The following HDGFL3 variants were observed in gnomAD, a reference collection of about 807,000 sequenced individuals.
The protein encoded by HDGFL3 is hepatoma-derived growth factor-related protein 3.
A neutral mutation model predicts 27.6 loss-of-function variants in HDGFL3; 6 were observed. That is an observed-to-expected ratio of 0.22 (90% CI 0.12 to 0.43). The LOEUF (loss-of-function observed/expected upper bound fraction) is 0.43. Among genes scored for constraint, HDGFL3 ranks in the 20% least tolerant of loss-of-function variants. HDGFL3 has a pLI of 1.00. For synonymous variants in HDGFL3, 88 were observed against 88.9 expected, an observed-to-expected ratio of 0.99 and a Z score of 0.05; for missense variants, 207 against 250.1, an observed-to-expected ratio of 0.83 and a Z score of 1.16.
chr15:83,161,446 C>A (rs2037100042), intron 2 of HDGFL3, among the ~76,000 whole-genome samples: 1 of 152,194 alleles, frequency 6.6e-6, no homozygotes, highest in African/African-American at 2.4e-5. Flanking sequence ...CAGGCATGAA[C>A]CACTGCACTC....
At chr15:83,204,206 ATATACT>A (rs1487630211) in intron 1 of HDGFL3, among the ~76,000 whole-genome samples, 5 of 151,622 alleles carry the variant, frequency 3.3e-5, no homozygotes, top group African/African-American at 9.7e-5. Flanking sequence ...TATGTATCAC[ATATACT>A]TATATATATC....
At chr15:83,121,930 T>C (rs367826305) in intron 3 of HDGFL3, 10 of 1,606,442 alleles carry the variant, frequency 6.2e-6, no homozygotes, top group South Asian at 2.3e-5. Flanking sequence ...GGGAAACTTA[T>C]AGAACCATTG....
downstream of HDGFL3, chr15:83,126,966 G>A (rs528681697): frequency 1.5e-5 from 11 of 734,558 alleles, no homozygotes; most frequent in Non-Finnish European, 2.4e-5. Context: ...GCCGAGGCAG[G>A]TTGATCACGA....
intron 1 of HDGFL3, among the ~76,000 whole-genome samples, chr15:83,165,963 C>A (rs2037167070): frequency 1.3e-5 from 2 of 151,082 alleles, no homozygotes; most frequent in African/African-American, 4.9e-5. Context: ...ATAAAATGAC[C>A]AAAACAAAGA....
intron 1 of HDGFL3, among the ~76,000 whole-genome samples, chr15:83,170,876 C>CAAAAAA: frequency 1.3e-5 from 1 of 77,754 alleles, no homozygotes; most frequent in Non-Finnish European, 2.8e-5. Flanking sequence ...ATTCAACAAG[C>CAAAAAA]AAAAAAAAAA....
chr15:83,148,225 G>A (rs1462931949), intron 5 of HDGFL3, among the ~76,000 whole-genome samples: 2 of 152,178 alleles, frequency 1.3e-5, no homozygotes, highest in South Asian at 2.1e-4. Flanking sequence ...ATCAACTCAC[G>A]GCTCAGTATT....
intron 1 of HDGFL3, among the ~76,000 whole-genome samples, chr15:83,187,718 G>A (rs562782534): frequency 4.0e-5 from 6 of 151,810 alleles, no homozygotes; most frequent in East Asian, 1.9e-4. Context: ...GAGAAACCCC[G>A]TCTCCAATAA....
chr15:83,164,367 C>CAAAAAAAAAAAAAAAACA (rs2037139052), intron 1 of HDGFL3, among the ~76,000 whole-genome samples: 1 of 38,380 alleles, frequency 2.6e-5, no homozygotes, highest in South Asian at 1.3e-3. Flanking sequence ...TTAGAGTAAC[C>CAAAAAAAAAAAAAAAACA]AAAAAAAAAA....
chr15:83,140,505 A>G (rs1343288794), intron 5 of HDGFL3, among the ~76,000 whole-genome samples: 1 of 137,926 alleles, frequency 7.3e-6, no homozygotes. Context: ...TTTTTGAGAC[A>G]GAGTCTCGCT....
rs183406051 is a variant in HDGFL3 at position 83,163,947 on chromosome 15, G to C, written c.161+52C>G. The C allele has an allele frequency of 5.0e-4, 567 of 1,126,168 alleles. 2 individuals are homozygous for C. Among genetic ancestry groups the C allele is most frequent in the Middle Eastern group, 1.2e-3 (6 of 5,140 alleles). The allele number at this position is 1,126,168 out of a possible 1,614,324, so 69.8% of individuals were successfully genotyped here. ...GATGTCAGAGATCATCCATAACAAT[G>C]TAGCATAGCAGAGTCAAGCTAGAGC... On this transcript the variant is annotated intron_variant, in intron 2 of 5. Transcript: ENST00000299633.
At chr15:83,126,725 T>C (rs1288118605), downstream of HDGFL3, 1 of 1,569,474 alleles carries the variant, frequency 6.4e-7, no homozygotes. Context: ...TGTGATTGTA[T>C]TTTTATAATG....
chr15:83,192,794 C>T (rs1596567140), intron 1 of HDGFL3, among the ~76,000 whole-genome samples: 1 of 152,262 alleles, frequency 6.6e-6, no homozygotes, highest in East Asian at 1.9e-4. Flanking sequence ...TCTTGACCAC[C>T]CTATATGTAC....
intron 1 of HDGFL3, among the ~76,000 whole-genome samples, chr15:83,205,165 T>G (rs919693096): frequency 6.6e-6 from 1 of 152,190 alleles, no homozygotes; most frequent in African/African-American, 2.4e-5. Flanking sequence ...TCTACACAGC[T>G]ATACCTAGGT....
intron 1 of HDGFL3, among the ~76,000 whole-genome samples, chr15:83,200,489 A>C (rs920573503): frequency 6.6e-6 from 1 of 152,258 alleles, no homozygotes; most frequent in Admixed American, 6.5e-5. Flanking sequence ...TCCAAACCAC[A>C]GAAGCATTTA....
chr15:83,156,272 A>G (rs1272323849), intron 4 of HDGFL3, among the ~76,000 whole-genome samples: 1 of 152,120 alleles, frequency 6.6e-6, no homozygotes. Context: ...CGTTTTCAGA[A>G]AGCCCTGGCC....
At chr15:83,183,974 G>A (rs1021326802) in intron 1 of HDGFL3, among the ~76,000 whole-genome samples, 2 of 152,010 alleles carry the variant, frequency 1.3e-5, no homozygotes, top group African/African-American at 4.8e-5. Context: ...ATTTTAATGG[G>A]AAAAGAATTC....
rs542611672 is a variant in HDGFL3 at position 83,130,280 on chromosome 15, A to G, written c.*8990T>C. On this transcript the variant is annotated 3_prime_UTR_variant, in exon 6 of 6. Coordinates refer to ENST00000299633, the MANE Select transcript of HDGFL3 (RefSeq NM_016073.4). ...AAATGGGTGTGGTAAGCCTGTAGCAATAAGACAAACCCTAATCTGTTGGTG... is the reference window on the plus strand; with the variant it reads ...AAATGGGTGTGGTAAGCCTGTAGCAGTAAGACAAACCCTAATCTGTTGGTG... 5.2e-5 allele frequency: 8 copies of G among 152,460 alleles called. No individual in the cohort carries two copies. The highest frequency in any genetic ancestry group is 5.2e-4 in the Admixed American group (8 of 15,306). The allele number at this position is 152,460 out of a possible 1,614,324, so 9.4% of individuals were successfully genotyped here. A position where few individuals can be genotyped will look rare whatever the true frequency, so the allele number is the denominator to read the frequency against.
intron 4 of HDGFL3, among the ~76,000 whole-genome samples, chr15:83,152,438 C>T (rs1285279292): frequency 2.6e-5 from 4 of 152,120 alleles, no homozygotes; most frequent in Admixed American, 2.0e-4. Context: ...CAGTGGCTCA[C>T]GCCTTTAATC....
At chr15:83,178,841 C>G (rs2037346259) in intron 1 of HDGFL3, among the ~76,000 whole-genome samples, 1 of 152,166 alleles carries the variant, frequency 6.6e-6, no homozygotes, top group Admixed American at 6.5e-5. Context: ...TCTCTGATAA[C>G]TCTTCCAATG....
Sources: allele counts gnomAD v4.1 joint callset (sites outside exome capture counted in the v4.1 genomes callset), GRCh38; gene constraint gnomAD v4.1.1; transcripts MANE v1.5; gene names NCBI Gene and HGNC (gene_info 2026-07-23, HGNC 2026-07-21).